GCGR: variants seen among roughly 807,000 people sequenced by gnomAD.
The protein encoded by GCGR is glucagon receptor.
In GCGR, 41 loss-of-function variants were observed where a neutral mutation model predicts 56.1. The observed-to-expected ratio is 0.73, with a 90% CI of 0.57 to 0.95. GCGR has a LOEUF of 0.95. Ranked by LOEUF, GCGR falls within the 40% of genes least tolerant of loss-of-function variation. The pLI is 0.00. For missense variants in GCGR, 595 were observed against 638.2 expected, an observed-to-expected ratio of 0.93 and a Z score of 0.73; for synonymous variants, 278 against 271.1, an observed-to-expected ratio of 1.03 and a Z score of -0.25.
chr17:81,807,149 G>A (rs1195596382), intron 1 of GCGR, among the ~76,000 whole-genome samples: 1 of 152,140 alleles, frequency 6.6e-6, no homozygotes, highest in Non-Finnish European at 1.5e-5. Flanking sequence ...AGCTGGGGAC[G>A]CCAAAACTGC....
In GCGR at chr17:81,812,874, A is replaced by G; in HGVS notation, c.1105A>G (p.Thr369Ala). The change falls in exon 12 of 14, where the codon ACG becomes GCG. Residue 369 changes from threonine to alanine, a missense_variant. By Grantham distance (58) the Thr-to-Ala change is moderately conservative. Coordinates refer to ENST00000400723, the MANE Select transcript of GCGR (RefSeq NM_000160.5). The surrounding 1 kb of genome is among the most constrained non-coding windows in gnomAD (Gnocchi z 8.5). Reference sequence around the variant, plus strand: ...CCACGAAGTGGTCTTCGCCTTCGTGACGGACGAGCACGCCCAGGGCACCCT... The same window carrying G: ...CCACGAAGTGGTCTTCGCCTTCGTGGCGGACGAGCACGCCCAGGGCACCCT... ...GVHEVVFAFV[T>A]DEHAQGTLRS... The G allele has an allele frequency of 1.3e-6, 2 of 1,535,996 alleles. No individual in the cohort carries two copies. The highest frequency in any genetic ancestry group is 8.7e-7 in the Non-Finnish European group (1 of 1,146,752).
chr17:81,809,599 C>T (rs2038048304), intron 2 of GCGR, among the ~76,000 whole-genome samples, 183 bp from the exon 3 acceptor site: 1 of 151,424 alleles, frequency 6.6e-6, no homozygotes, highest in Non-Finnish European at 1.5e-5. Flanking sequence ...ATCTGCCTAT[C>T]CATCTGCCTG....
rs933123522 is a variant in GCGR at position 81,813,947 on chromosome 17, G to A, written c.*258G>A. The A allele has an allele frequency of 2.9e-5, 16 of 544,322 alleles. No homozygotes were observed. The highest frequency in any genetic ancestry group is 1.8e-4 in the East Asian group (6 of 33,240). The allele number at this position is 544,322 out of a possible 1,614,324, so 33.7% of individuals were successfully genotyped here. A position where few individuals can be genotyped will look rare whatever the true frequency, so the allele number is the denominator to read the frequency against. The stretch of plus-strand genomic sequence containing the variant: ...GTGAACTGCGTGCCAGTGTCCCCAC[G>A]TATGTCGGCACGTCCCATGTGCATG... On this transcript the variant is annotated 3_prime_UTR_variant, in exon 14 of 14. Transcript: ENST00000400723. This position sits in a 1 kb window ranked among gnomAD's most constrained non-coding sequence, Gnocchi z 5.3.
chr17:81,809,039 G>T lies in GCGR; in HGVS notation c.21G>T (p.Gln7His). Reference sequence around the variant, plus strand: ...GAGGCATGCCCCCCTGCCAGCCACAGCGACCCCTGCTGCTGTTGCTGCTGC... The same window carrying T: ...GAGGCATGCCCCCCTGCCAGCCACATCGACCCCTGCTGCTGTTGCTGCTGC... Reference protein sequence around the residue: MPPCQPQRPLLLLLLLL... With the variant: MPPCQPHRPLLLLLLLL... Residue 7 changes from glutamine (Q) to histidine (H), a missense_variant, in exon 2 of 14, where the codon CAG becomes CAT. By Grantham distance (24) the Gln-to-His change is conservative. Transcript: ENST00000400723. The T allele has an allele frequency of 6.5e-7, 1 of 1,536,164 alleles. No individual in the cohort carries two copies. Among genetic ancestry groups the T allele is most frequent in the Non-Finnish European group, 8.7e-7 (1 of 1,146,902 alleles).
At chr17:81,808,677 G>A (rs1194721315) in intron 1 of GCGR, among the ~76,000 whole-genome samples, 165 bp from the exon 2 acceptor site, 2 of 152,052 alleles carry the variant, frequency 1.3e-5, no homozygotes, top group Non-Finnish European at 2.9e-5. Flanking sequence ...CCGCCACCAC[G>A]CCTGGCTAAT....
At position 81,808,947 on chromosome 17, in the gene GCGR, ACC is replaced by A; in HGVS notation, c.-70_-69del. On this transcript the variant is annotated 5_prime_UTR_variant, in exon 2 of 14. Coordinates refer to ENST00000400723, the MANE Select transcript of GCGR (RefSeq NM_000160.5). ...CAGCTGCCCTCGGAGGAGCGTACACACCCACCAGGACTGCATTGCCCCAGCTG... is the reference window on the plus strand; with the variant it reads ...CAGCTGCCCTCGGAGGAGCGTACACACACCAGGACTGCATTGCCCCAGCTG... 1.3e-6 allele frequency: 2 copies of A among 1,518,340 alleles called. No individual in the cohort carries two copies. Among genetic ancestry groups the A allele is most frequent in the East Asian group, 2.5e-5 (1 of 40,796 alleles). The allele number at this position is 1,518,340 out of a possible 1,614,324, so 94.1% of individuals were successfully genotyped here. A position where few individuals can be genotyped will look rare whatever the true frequency, so the allele number is the denominator to read the frequency against.
intron 1 of GCGR, 62 bp from the exon 2 acceptor site, chr17:81,808,778 CAA>C: frequency 1.7e-6 from 1 of 578,618 alleles, no homozygotes. Context: ...CTCGGCCTCC[CAA>C]AGTTCTGGGA....
Position 81,808,980 on chromosome 17 carries a change from C to A in GCGR, c.-39C>A. ...GGACTGCATTGCCCCAGCTGTGCAG[C>A]CCCTGCCAGATGTGGGAGGCAGCTA... On this transcript the variant is annotated 5_prime_UTR_variant, in exon 2 of 14. Coordinates refer to ENST00000400723, the MANE Select transcript of GCGR (RefSeq NM_000160.5). The A allele has an allele frequency of 2.6e-6, 4 of 1,534,724 alleles. No homozygotes were observed. Among genetic ancestry groups the A allele is most frequent in the Non-Finnish European group, 3.5e-6 (4 of 1,145,914 alleles).
rs377214123 is a variant in GCGR, at chr17:81,804,931, G to T, written c.-178+682G>T. Among the ~76,000 whole-genome samples, 58 of 152,290 alleles carry T rather than the reference G, an allele frequency of 3.8e-4. No homozygotes were observed. Among genetic ancestry groups the T allele is most frequent in the African/African-American group, 1.3e-3 (55 of 41,582 alleles). Reference sequence around the variant, plus strand: ...TCGGCGCCCGCATCCTCCAAGGACCGGCCAGGGCTGCTCTCTGCCCTTGGT... The same window carrying T: ...TCGGCGCCCGCATCCTCCAAGGACCTGCCAGGGCTGCTCTCTGCCCTTGGT... On this transcript the variant is annotated intron_variant, in intron 1 of 13. Coordinates refer to ENST00000400723, the MANE Select transcript of GCGR (RefSeq NM_000160.5). The surrounding 1 kb of genome is among the most constrained non-coding windows in gnomAD (Gnocchi z 8.2).
At chr17:81,807,485 G>A (rs1430206907) in intron 1 of GCGR, among the ~76,000 whole-genome samples, 1 of 152,218 alleles carries the variant, frequency 6.6e-6, no homozygotes, top group South Asian at 2.1e-4. Flanking sequence ...ACCTGGAGGA[G>A]GCTAAAATCC....
At chr17:81,808,410 C>T (rs2038004975) in intron 1 of GCGR, among the ~76,000 whole-genome samples, 1 of 152,122 alleles carries the variant, frequency 6.6e-6, no homozygotes, top group South Asian at 2.1e-4. Context: ...AAGGTGGCTG[C>T]CACCAGCAAT....
rs1193137539 is a variant in GCGR, at chr17:81,812,947, T to TGCCC, written c.1176+14_1176+17dup. On this transcript the variant is annotated splice_region_variant and intron_variant, in intron 12 of 13. Coordinates refer to ENST00000400723, the MANE Select transcript of GCGR (RefSeq NM_000160.5). The surrounding 1 kb of genome is among the most constrained non-coding windows in gnomAD (Gnocchi z 8.5). ...GACCTCTTCCTCAGCTCCTTCCAGG[T>TGCCC]GCCCGCCCGCCCGCCGGCTCCCCCG... is the stretch of plus-strand genomic sequence containing the variant. The TGCCC allele has an allele frequency of 3.3e-6, 5 of 1,535,638 alleles. No individual in the cohort carries two copies. The highest frequency in any genetic ancestry group is 1.4e-5 in the African/African-American group (1 of 73,130).
intron 3 of GCGR, 85 bp downstream of exon 3, chr17:81,809,969 T>A (rs1243830352): frequency 1.5e-5 from 16 of 1,076,810 alleles, no homozygotes; most frequent in Non-Finnish European, 1.9e-5. Context: ...CCTGGGTGCT[T>A]ATGCAGCCTT....
Position 81,810,861 on chromosome 17 carries a change from G to C in GCGR, c.200G>C (p.Cys67Ser), listed in dbSNP as rs2038078510. The change falls in exon 4 of 14, where the codon TGC (cysteine) becomes TCC (serine). Residue 67 changes from cysteine to serine, a missense_variant. Cys to Ser is a moderately radical substitution (Grantham distance 112, BLOSUM62 -1). Coordinates refer to ENST00000400723, the MANE Select transcript of GCGR (RefSeq NM_000160.5). This position sits in a 1 kb window ranked among gnomAD's most constrained non-coding sequence, Gnocchi z 4.6. ...VCNRTFDKYS[C>S]WPDTPANTTA... is the part of the protein sequence containing the mutation. ...AACAGAACCTTCGACAAGTATTCCT[G>C]CTGGCCGGACACCCCCGCCAATACC... 6.5e-7 allele frequency: 1 copy of C among 1,536,526 alleles called. No homozygotes were observed. Among genetic ancestry groups the C allele is most frequent in the Admixed American group, 2.0e-5 (1 of 50,992 alleles).
In GCGR at chr17:81,812,067, C is replaced by T. The variant is rs1048592047; in HGVS notation, c.879-116C>T. 4 of 1,507,868 alleles carry T rather than the reference C, an allele frequency of 2.7e-6. No homozygotes were observed. In the East Asian group the frequency reaches 9.8e-5, roughly 37 times the overall value. The allele number at this position is 1,507,868 out of a possible 1,614,324, so 93.4% of individuals were successfully genotyped here. On this transcript the variant is annotated intron_variant, in intron 9 of 13. Coordinates refer to ENST00000400723, the MANE Select transcript of GCGR (RefSeq NM_000160.5). The surrounding 1 kb of genome is among the most constrained non-coding windows in gnomAD (Gnocchi z 8.5). ...GCCTGGGGAGGGGGTCATTTGTGAC[C>T]TTCTCCCTTCCTTTTCTGAGACCCG...
At position 81,810,419 on chromosome 17, in the gene GCGR, C is replaced by T. The variant is rs927786079; in HGVS notation, c.164-406C>T. 3.3e-5 allele frequency: 11 copies of T among 337,718 alleles called. No individual in the cohort carries two copies. The highest frequency in any genetic ancestry group is 2.3e-4 in the African/African-American group (11 of 47,286). The allele number at this position is 337,718 out of a possible 1,614,324, so 20.9% of individuals were successfully genotyped here. ...GCAGAGGGAGCAGATGTGGCAGCCA[C>T]AGGTTTGGCGATGCACCTGGGAAGG... On this transcript the variant is annotated intron_variant, in intron 3 of 13. Coordinates refer to ENST00000400723, the MANE Select transcript of GCGR (RefSeq NM_000160.5). The surrounding 1 kb of genome is among the most constrained non-coding windows in gnomAD (Gnocchi z 4.6).
rs2037918991 is a variant in GCGR at position 81,804,866 on chromosome 17, G to A, written c.-178+617G>A. 6.6e-6 allele frequency among the ~76,000 whole-genome samples: 1 copy of A among 152,048 alleles called. No individual in the cohort carries two copies. The highest frequency in any genetic ancestry group is 6.5e-5 in the Admixed American group (1 of 15,284). Reference sequence around the variant, plus strand: ...CACCACCCGGCCGACTCGGCCACCGGGCTTATGCTCCGACTCTGAACCGAC... The same window carrying A: ...CACCACCCGGCCGACTCGGCCACCGAGCTTATGCTCCGACTCTGAACCGAC... On this transcript the variant is annotated intron_variant, in intron 1 of 13. Transcript: ENST00000400723. This position sits in a 1 kb window ranked among gnomAD's most constrained non-coding sequence, Gnocchi z 8.2.
At position 81,811,523 on chromosome 17, in the gene GCGR, G is replaced by A. The variant is rs1266577758; in HGVS notation, c.620G>A (p.Gly207Asp). 6.5e-7 allele frequency: 1 copy of A among 1,536,512 alleles called. No individual in the cohort carries two copies. Among genetic ancestry groups the A allele is most frequent in the Non-Finnish European group, 8.7e-7 (1 of 1,146,884 alleles). ...AGGACCCGCTACAGCCAGAAAATTG[G>A]CGACGACCTCAGTGTCAGCACCTGG... ...LLRTRYSQKI[G>D]DDLSVSTWLS... Residue 207 changes from glycine (G) to aspartate (D), a missense_variant, in exon 7 of 14, where the codon GGC becomes GAC. Coordinates refer to ENST00000400723, the MANE Select transcript of GCGR (RefSeq NM_000160.5). This position sits in a 1 kb window ranked among gnomAD's most constrained non-coding sequence, Gnocchi z 5.8.
intron 1 of GCGR, among the ~76,000 whole-genome samples, chr17:81,805,683 G>A (rs980288334): frequency 6.6e-6 from 1 of 151,686 alleles, no homozygotes; most frequent in Non-Finnish European, 1.5e-5. Flanking sequence ...TGGGCACCTC[G>A]GGAACCCCCC....
Sources: gnomAD v4.1 joint callset for allele counts (sites outside exome capture counted in the v4.1 genomes callset) on GRCh38, gnomAD v4.1.1 for gene constraint, Gnocchi (gnomAD v3.1) non-coding constraint, MANE v1.5 for transcripts, NCBI Gene and HGNC (gene_info 2026-07-23, HGNC 2026-07-21) for gene names.